PLXNA4: variants seen among roughly 807,000 people sequenced by gnomAD.
The protein encoded by PLXNA4 is plexin-A4.
Under a neutral mutation model 191.8 loss-of-function variants are expected in PLXNA4, and 44 were observed. The observed-to-expected ratio is 0.23, with a 90% CI of 0.18 to 0.29. PLXNA4 has a LOEUF of 0.29. PLXNA4 is among the 10% of genes least tolerant of loss of function. The pLI is 1.00. For missense variants in PLXNA4, 1,800 were observed against 2,488.8 expected (o/e 0.72, Z 5.89); for synonymous variants, 1,082 against 1,009.5 (o/e 1.07, Z -1.36).
At chr7:132,455,724 C>T (rs1395371210) in intron 3 of PLXNA4, among the ~76,000 whole-genome samples, 4 of 152,096 alleles carry the variant, frequency 2.6e-5, no homozygotes, top group African/African-American at 7.2e-5. Context: ...GAGAAGCCTG[C>T]CAGGATGCTC....
chr7:132,165,093 G>T (rs374308645), intron 23 of PLXNA4, 41 bp downstream of exon 23: 1 of 1,601,728 alleles, frequency 6.2e-7, no homozygotes, highest in South Asian at 1.1e-5. Context: ...TGCAGAGAAT[G>T]AACGAGGCAA....
intron 4 of PLXNA4, among the ~76,000 whole-genome samples, chr7:132,245,476 G>A (rs1428522927): frequency 6.6e-6 from 1 of 152,214 alleles, no homozygotes; most frequent in Non-Finnish European, 1.5e-5. Flanking sequence ...GCACAACATT[G>A]TCTTGGGACA....
intron 3 of PLXNA4, among the ~76,000 whole-genome samples, chr7:132,365,358 T>TGCGTGCGCGCGCGC (rs1554424500): frequency 1.5e-5 from 2 of 133,594 alleles, no homozygotes; most frequent in African/African-American, 6.9e-5. Flanking sequence ...TGTGTGTGTG[T>TGCGTGCGCGCGCGC]GTGCGTGCGC....
intron 30 of PLXNA4, among the ~76,000 whole-genome samples, chr7:132,137,429 T>C (rs560956990): frequency 2.8e-4 from 43 of 152,362 alleles, no homozygotes; most frequent in African/African-American, 1.0e-3. Flanking sequence ...TACTAAAGTA[T>C]GCAAATGTTT....
chr7:132,265,390 C>T (rs528706678), intron 4 of PLXNA4, among the ~76,000 whole-genome samples: 2 of 152,272 alleles, frequency 1.3e-5, no homozygotes, highest in South Asian at 2.1e-4. Context: ...GGTCAGGCAA[C>T]GCAGCACCTT....
intron 5 of PLXNA4, among the ~76,000 whole-genome samples, chr7:132,232,452 C>T (rs1464915760): frequency 6.6e-6 from 1 of 152,136 alleles, no homozygotes; most frequent in African/African-American, 2.4e-5. Context: ...AGGAAGCCGA[C>T]CCCAAGAGGA....
chr7:132,328,445 G>C (rs1802458860), intron 3 of PLXNA4, among the ~76,000 whole-genome samples: 1 of 152,138 alleles, frequency 6.6e-6, no homozygotes, highest in Admixed American at 6.5e-5. Flanking sequence ...TTCTGTGCAA[G>C]ATGCCTGGGG....
rs74323135 is a variant in PLXNA4 at position 132,133,796 on chromosome 7, A to G, written c.5439-597T>C. Among the ~76,000 whole-genome samples the G allele has an allele frequency of 8.0e-3, 1,210 of 152,160 alleles. 25 individuals are homozygous for G. The highest frequency in any genetic ancestry group is 0.027 in the African/African-American group (1,133 of 41,498). On this transcript the variant is annotated intron_variant, in intron 30 of 31. Transcript: ENST00000321063. Reference sequence around the variant, plus strand: ...CTGCAATTTGACATTTTATGCACCAAACCTCAACTCCCCCACCAGAGGGGG... The same window carrying G: ...CTGCAATTTGACATTTTATGCACCAGACCTCAACTCCCCCACCAGAGGGGG...
chr7:132,178,845 TAC>T (rs56027205), intron 20 of PLXNA4, among the ~76,000 whole-genome samples: 1,316 of 83,432 alleles, frequency 0.016, 89 homozygotes, highest in African/African-American at 0.047. Flanking sequence ...TACACATATA[TAC>T]ACACACACAC....
chr7:132,474,211 G>GTC (rs1403049594), intron 3 of PLXNA4, among the ~76,000 whole-genome samples: 7 of 108,278 alleles, frequency 6.5e-5, no homozygotes, highest in African/African-American at 1.9e-4. Flanking sequence ...AGATCTCTCT[G>GTC]TCTCACACAC....
At chr7:132,612,249 G>A (rs374140310) in intron 2 of PLXNA4, among the ~76,000 whole-genome samples, 2 of 152,280 alleles carry the variant, frequency 1.3e-5, no homozygotes, top group African/African-American at 4.8e-5. Flanking sequence ...TTAGCTACAT[G>A]CATTGTGTGA....
rs1794694471 is a variant in PLXNA4 at position 132,123,645 on chromosome 7, C to T, written c.*6834G>A. On this transcript the variant is annotated 3_prime_UTR_variant, in exon 32 of 32. Transcript: ENST00000321063. Reference sequence around the variant, plus strand: ...CATACATTTGAGGCTCATTTTAACACTGTTGTCTAAAGATATGCTTTGCTT... The same window carrying T: ...CATACATTTGAGGCTCATTTTAACATTGTTGTCTAAAGATATGCTTTGCTT... 6.6e-6 allele frequency: 1 copy of T among 152,096 alleles called. No individual in the cohort carries two copies. Among genetic ancestry groups the T allele is most frequent in the African/African-American group, 2.4e-5 (1 of 41,396 alleles). The allele number at this position is 152,096 out of a possible 1,614,324, so 9.4% of individuals were successfully genotyped here. A position where few individuals can be genotyped will look rare whatever the true frequency, so the allele number is the denominator to read the frequency against.
At chr7:132,258,019 G>A (rs1480084143) in intron 4 of PLXNA4, among the ~76,000 whole-genome samples, 3 of 152,222 alleles carry the variant, frequency 2.0e-5, no homozygotes, top group Non-Finnish European at 4.4e-5. Context: ...GCTGGAAAAG[G>A]GTCATTGAAG....
intron 3 of PLXNA4, among the ~76,000 whole-genome samples, chr7:132,473,913 C>T (rs971737141): frequency 1.3e-5 from 2 of 151,420 alleles, no homozygotes; most frequent in African/African-American, 4.9e-5. Context: ...AAAATAAAAC[C>T]TCTCCCACCC....
chr7:132,562,865 T>TCC (rs1563174896), intron 1 of PLXNA4, among the ~76,000 whole-genome samples: 1 of 56,088 alleles, frequency 1.8e-5, no homozygotes, highest in African/African-American at 7.5e-5. Flanking sequence ...TCCTCCTCCT[T>TCC]CTCCTCCTCC....
intron 2 of PLXNA4, among the ~76,000 whole-genome samples, chr7:132,640,345 G>A (rs559840832): frequency 6.6e-6 from 1 of 152,328 alleles, no homozygotes; most frequent in African/African-American, 2.4e-5. Context: ...TATAGCCATA[G>A]GTTACGGAAT....
intron 2 of PLXNA4, among the ~76,000 whole-genome samples, chr7:132,635,065 C>A (rs1803569737): frequency 6.6e-6 from 1 of 151,946 alleles, no homozygotes; most frequent in African/African-American, 2.4e-5. Context: ...GGACTCCAAG[C>A]TCTTCAGTTT....
chr7:132,576,588 A>T (rs1802251091), upstream of PLXNA4: 3 of 985,886 alleles, frequency 3.0e-6, no homozygotes, highest in South Asian at 1.4e-4. The surrounding 1 kb of genome is among the most constrained non-coding windows in gnomAD (Gnocchi z 5.8). Context: ...GGCACAGGGA[A>T]GCCGGGAGCA....
chr7:132,181,662 A>G (rs1488698286), intron 17 of PLXNA4, 42 bp from the exon 18 acceptor site: 1 of 1,604,796 alleles, frequency 6.2e-7, no homozygotes, highest in Non-Finnish European at 8.5e-7. Flanking sequence ...CAGTATCTCC[A>G]CATACCCACA....
Sources: gnomAD v4.1 joint callset for allele counts (sites outside exome capture counted in the v4.1 genomes callset) on GRCh38, gnomAD v4.1.1 for gene constraint, Gnocchi (gnomAD v3.1) non-coding constraint, MANE v1.5 for transcripts, NCBI Gene and HGNC (gene_info 2026-07-23, HGNC 2026-07-21) for gene names.